The following CSMD2 variants were observed in gnomAD, a reference collection of about 807,000 sequenced individuals.
The protein encoded by CSMD2 is CUB and Sushi multiple domains 2, also known as CUB and sushi domain-containing protein 2.
In CSMD2, 130 loss-of-function variants were observed where a neutral mutation model predicts 398.5. That is an observed-to-expected ratio of 0.33 (90% CI 0.28 to 0.38). The LOEUF (loss-of-function observed/expected upper bound fraction) is 0.38, where lower values mean the gene tolerates loss of function less well. Among genes scored for constraint, CSMD2 ranks in the 10% least tolerant of loss-of-function variants. The probability of loss-of-function intolerance (pLI) is 1.00; values close to 1 mark genes in which losing one functional copy is unlikely to be tolerated. For synonymous variants in CSMD2, 1,828 were observed against 1,908.5 expected, an observed-to-expected ratio of 0.96 and a Z score of 1.10; for missense variants, 3,829 against 4,764.9, an observed-to-expected ratio of 0.80 and a Z score of 5.78.
chr1:33,549,287 G>C (rs1185052325), intron 56 of CSMD2, among the ~76,000 whole-genome samples: 1 of 152,142 alleles, frequency 6.6e-6, no homozygotes, highest in African/African-American at 2.4e-5. Flanking sequence ...GAAGGGTTAC[G>C]GGTTAATTTC....
chr1:33,908,101 A>G (rs1643223636), intron 5 of CSMD2, among the ~76,000 whole-genome samples: 1 of 151,294 alleles, frequency 6.6e-6, no homozygotes, highest in Non-Finnish European at 1.5e-5. Flanking sequence ...AAAAAAAAAA[A>G]AAAAAAGAAA....
At chr1:33,999,955 T>C (rs1228093920) in intron 3 of CSMD2, among the ~76,000 whole-genome samples, 5 of 152,204 alleles carry the variant, frequency 3.3e-5, no homozygotes, top group African/African-American at 1.2e-4. Flanking sequence ...TTTTTAAAGA[T>C]GTCCAGTGAA....
Position 33,725,971 on chromosome 1 carries a change from G to A in CSMD2, c.2508-435C>T, listed in dbSNP as rs569853172. On this transcript the variant is annotated intron_variant, in intron 16 of 70. Transcript: ENST00000373381. The stretch of plus-strand genomic sequence containing the variant: ...CAGAGCATGCATCAGAGATATGCAA[G>A]TAGGCAAGTGGCCCACAAAGCCTAA... Among the ~76,000 whole-genome samples the A allele has an allele frequency of 7.9e-5, 12 of 151,498 alleles. 1 individual carries two copies. In the South Asian group the frequency reaches 1.7e-3, roughly 21 times the overall value.
intron 60 of CSMD2, among the ~76,000 whole-genome samples, chr1:33,538,516 A>G (rs1656019975): frequency 6.6e-6 from 1 of 152,202 alleles, no homozygotes; most frequent in Non-Finnish European, 1.5e-5. Context: ...ATATGGAGTC[A>G]TGAGATACAT....
In CSMD2 at chr1:33,541,290, A is replaced by C; in HGVS notation, c.9297T>G (p.Pro3099=). ...GCCGAAGGCCATTGGCTGGAATCCC[A>C]GGGTCACCACAGTTTATGACTAGGA... ...PECLVINCGD[P]GIPANGLRLG... Residue 3099 remains proline (P), a synonymous_variant, in exon 59 of 71, where the codon CCT becomes CCG. Transcript: ENST00000373381. The C allele has an allele frequency of 6.2e-7, 1 of 1,614,040 alleles. No homozygotes were observed. The highest frequency in any genetic ancestry group is 8.5e-7 in the Non-Finnish European group (1 of 1,179,948).
chr1:33,769,785 T>A (rs1651021112), intron 13 of CSMD2, among the ~76,000 whole-genome samples: 2 of 152,150 alleles, frequency 1.3e-5, no homozygotes. Flanking sequence ...TGAAATAATA[T>A]CCCCAATCCC....
At chr1:33,688,056 A>G (rs990014809) in intron 25 of CSMD2, among the ~76,000 whole-genome samples, 1 of 152,232 alleles carries the variant, frequency 6.6e-6, no homozygotes, top group Non-Finnish European at 1.5e-5. Context: ...AGAAAATTTG[A>G]GGTCATGTAT....
chr1:34,051,572 T>C (rs575186022), intron 2 of CSMD2, among the ~76,000 whole-genome samples: 4 of 152,308 alleles, frequency 2.6e-5, no homozygotes, highest in Admixed American at 2.6e-4. Flanking sequence ...ATATAATAAC[T>C]TTATGTTATG....
At chr1:33,934,061 C>A (rs1644392350) in intron 4 of CSMD2, among the ~76,000 whole-genome samples, 1 of 152,158 alleles carries the variant, frequency 6.6e-6, no homozygotes, top group Non-Finnish European at 1.5e-5. Context: ...TAATTTTTAT[C>A]CTTGGTGTCA....
At chr1:33,575,176 G>A (rs1659957600) in intron 49 of CSMD2, among the ~76,000 whole-genome samples, 1 of 152,208 alleles carries the variant, frequency 6.6e-6, no homozygotes, top group Non-Finnish European at 1.5e-5. Context: ...GGCTTGTGGT[G>A]GAATGAGATC....
intron 37 of CSMD2, among the ~76,000 whole-genome samples, chr1:33,620,114 GA>G (rs1237965092): frequency 1.3e-5 from 2 of 152,202 alleles, no homozygotes; most frequent in African/African-American, 4.8e-5. Flanking sequence ...ATGCTACACA[GA>G]TTGATTTTAT....
At chr1:34,152,017 T>C (rs1640374549) in intron 1 of CSMD2, among the ~76,000 whole-genome samples, 2 of 152,002 alleles carry the variant, frequency 1.3e-5, no homozygotes, top group African/African-American at 4.8e-5. Context: ...TAATTATTTA[T>C]TTATTTATTT....
At chr1:33,890,822 C>G (rs1641959894) in intron 5 of CSMD2, among the ~76,000 whole-genome samples, 1 of 152,022 alleles carries the variant, frequency 6.6e-6, no homozygotes, top group Non-Finnish European at 1.5e-5. Flanking sequence ...ATAAATGGTA[C>G]TGGGAAAACT....
intron 13 of CSMD2, among the ~76,000 whole-genome samples, chr1:33,753,929 C>A (rs764550025): frequency 3.9e-5 from 6 of 152,202 alleles, no homozygotes; most frequent in Non-Finnish European, 8.8e-5. Context: ...AATGTCTGCA[C>A]ACCATTGTAT....
chr1:33,904,792 G>A (rs1009646407), intron 5 of CSMD2, among the ~76,000 whole-genome samples: 12 of 152,040 alleles, frequency 7.9e-5, no homozygotes, highest in East Asian at 3.9e-4. Flanking sequence ...GACTACAGTC[G>A]CCCACCACCA....
At chr1:34,128,707 G>A (rs1047394783) in intron 1 of CSMD2, among the ~76,000 whole-genome samples, 1 of 152,130 alleles carries the variant, frequency 6.6e-6, no homozygotes. Context: ...CTGGGTCATC[G>A]GGGAGTGAGT....
intron 13 of CSMD2, among the ~76,000 whole-genome samples, chr1:33,759,678 T>C (rs984536520): frequency 6.6e-6 from 1 of 152,112 alleles, no homozygotes; most frequent in Non-Finnish European, 1.5e-5. Flanking sequence ...TAAACCACTA[T>C]ATATAGCCTC....
chr1:33,971,977 T>C (rs1645788026), intron 3 of CSMD2, among the ~76,000 whole-genome samples: 1 of 152,168 alleles, frequency 6.6e-6, no homozygotes, highest in Non-Finnish European at 1.5e-5. Context: ...TTTCCATCAC[T>C]GGTACTCCCT....
chr1:33,863,472 T>C (rs1237585459), intron 5 of CSMD2: 2 of 152,198 alleles, frequency 1.3e-5, no homozygotes, highest in Non-Finnish European at 2.9e-5. Flanking sequence ...CTCTTTCGCC[T>C]CACATTTCTT....
Sources: allele counts gnomAD v4.1 joint callset (sites outside exome capture counted in the v4.1 genomes callset), GRCh38; gene constraint gnomAD v4.1.1; transcripts MANE v1.5; gene names NCBI Gene and HGNC (gene_info 2026-07-23, HGNC 2026-07-21).